Variants in ST7 observed in about 807,000 individuals in gnomAD.
ST7 encodes suppressor of tumorigenicity 7 protein.
ST7 carries 28 observed loss-of-function variants against 78.7 expected under a neutral mutation model. The ratio of observed to expected loss-of-function variants is 0.36; its 90% CI spans 0.26 to 0.49. The LOEUF (loss-of-function observed/expected upper bound fraction) is 0.49. Ranked by LOEUF, ST7 falls within the 20% of genes least tolerant of loss-of-function variation. The pLI, the probability that ST7 is intolerant of heterozygous loss-of-function variation, is 0.99. For synonymous variants in ST7, 247 were observed against 249.6 expected, an observed-to-expected ratio of 0.99 and a Z score of 0.10; for missense variants, 418 against 696.0, an observed-to-expected ratio of 0.60 and a Z score of 4.49.
intron 9 of ST7, among the ~76,000 whole-genome samples, chr7:117,160,653 G>GTGTATATATATATATA (rs150222080): frequency 4.1e-4 from 60 of 147,620 alleles, no homozygotes; most frequent in African/African-American, 1.4e-3. Flanking sequence ...GTGTGTGTGT[G>GTGTATATATATATATA]TATATATATA....
At chr7:117,144,855 A>G (rs1445097154) in intron 9 of ST7, among the ~76,000 whole-genome samples, 1 of 152,158 alleles carries the variant, frequency 6.6e-6, no homozygotes, top group Non-Finnish European at 1.5e-5. Flanking sequence ...GTAAAATTTA[A>G]AAATAAAGAT....
chr7:117,052,633 G>A (rs1017315413), intron 1 of ST7, among the ~76,000 whole-genome samples: 5 of 152,194 alleles, frequency 3.3e-5, no homozygotes, highest in African/African-American at 4.8e-5. Context: ...AGTGGCTCAC[G>A]CCTATAATCC....
intron 1 of ST7, among the ~76,000 whole-genome samples, chr7:117,006,019 C>T (rs1050275686): frequency 6.6e-6 from 1 of 152,186 alleles, no homozygotes; most frequent in Admixed American, 6.5e-5. Context: ...CAGTATCTTA[C>T]ATGAACCTCA....
chr7:116,998,652 T>A (rs1794791111), intron 1 of ST7, among the ~76,000 whole-genome samples: 1 of 152,256 alleles, frequency 6.6e-6, no homozygotes, highest in Non-Finnish European at 1.5e-5. Context: ...TATTGAGCAT[T>A]TACTATGTGC....
chr7:117,181,886 G>T (rs1808798851), intron 10 of ST7, among the ~76,000 whole-genome samples: 1 of 152,132 alleles, frequency 6.6e-6, no homozygotes, highest in South Asian at 2.1e-4. Flanking sequence ...TGAAATAGGA[G>T]AATACCATAA....
At chr7:116,966,108 T>A (rs1403351804) in intron 1 of ST7, 2 of 466,016 alleles carry the variant, frequency 4.3e-6, no homozygotes. Context: ...ACATGTTTTC[T>A]TCTGTCTGTA....
intron 1 of ST7, among the ~76,000 whole-genome samples, chr7:117,002,457 A>T (rs1794973790): frequency 1.3e-5 from 2 of 151,998 alleles, no homozygotes; most frequent in Non-Finnish European, 2.9e-5. Context: ...ATGAACTAAG[A>T]CCCATTATTT....
At chr7:117,070,614 C>T (rs1798880901) in intron 1 of ST7, among the ~76,000 whole-genome samples, 15 of 152,216 alleles carry the variant, frequency 9.9e-5, no homozygotes. Flanking sequence ...GATCTCGGCT[C>T]ACTGCAAGCT....
chr7:117,138,987 A>G (rs1186259195), intron 9 of ST7, among the ~76,000 whole-genome samples: 3 of 152,064 alleles, frequency 2.0e-5, no homozygotes, highest in Non-Finnish European at 4.4e-5. Flanking sequence ...TCAAATTACT[A>G]CTCTCAAATT....
intron 1 of ST7, among the ~76,000 whole-genome samples, chr7:117,095,311 G>A (rs1419133322): frequency 6.6e-6 from 1 of 152,176 alleles, no homozygotes; most frequent in African/African-American, 2.4e-5. Context: ...GCCTTCTGGT[G>A]TGAATTCCCT....
At chr7:116,975,424 T>C (rs879340045) in intron 1 of ST7, among the ~76,000 whole-genome samples, 1 of 152,144 alleles carries the variant, frequency 6.6e-6, no homozygotes, top group Non-Finnish European at 1.5e-5. Context: ...ATTTTTTTTT[T>C]TGAGATGGAA....
chr7:117,030,259 T>C (rs986596274), intron 1 of ST7, among the ~76,000 whole-genome samples: 2 of 152,198 alleles, frequency 1.3e-5, no homozygotes, highest in African/African-American at 4.8e-5. Flanking sequence ...AGAATACTTA[T>C]TTGGAGTGGA....
chr7:117,091,080 G>A (rs141026757), intron 1 of ST7, among the ~76,000 whole-genome samples: 303 of 152,328 alleles, frequency 2.0e-3, no homozygotes, highest in African/African-American at 6.9e-3. Flanking sequence ...TTGCCTAGGC[G>A]ACATCGGGAG....
At chr7:116,960,723 A>G (rs1585044963) in intron 1 of ST7, among the ~76,000 whole-genome samples, 1 of 152,126 alleles carries the variant, frequency 6.6e-6, no homozygotes, top group Non-Finnish European at 1.5e-5. Context: ...TGGATATTAG[A>G]TCTTTGTCAG....
intron 1 of ST7, chr7:116,972,192 C>A: frequency 1.8e-6 from 1 of 552,746 alleles, no homozygotes; most frequent in South Asian, 1.4e-5. Flanking sequence ...CAAGCAGAGT[C>A]TGGACCAGCA....
At chr7:117,129,350 A>G (rs574847429) in intron 3 of ST7, among the ~76,000 whole-genome samples, 1 of 151,978 alleles carries the variant, frequency 6.6e-6, no homozygotes, top group South Asian at 2.1e-4. Flanking sequence ...CCAAATTAAG[A>G]CTATAAGGCT....
In ST7 at chr7:117,170,977, G is replaced by A; in HGVS notation, c.1078+1G>A. On this transcript the variant is annotated splice_donor_variant, in intron 10 of 15. Coordinates refer to ENST00000323984, the MANE Select transcript of ST7 (RefSeq NM_001369598.1). LOFTEE classifies it high-confidence loss of function. ...CAGGCAGTCTTAGCAAAGTATGATGGTAAGTTCTTGGGTATTTTTATTTAC... is the reference window on the plus strand; with the variant it reads ...CAGGCAGTCTTAGCAAAGTATGATGATAAGTTCTTGGGTATTTTTATTTAC... 5 of 1,583,980 alleles carry A rather than the reference G, an allele frequency of 3.2e-6. No individual in the cohort carries two copies. The highest frequency in any genetic ancestry group is 4.3e-6 in the Non-Finnish European group (5 of 1,158,376).
rs573285795 is a variant in ST7 at position 117,187,960 on chromosome 7, C to A, written c.1079-1361C>A. Among the ~76,000 whole-genome samples, 9 of 152,142 alleles carry A rather than the reference C, an allele frequency of 5.9e-5. No individual in the cohort carries two copies. The East Asian group carries it at 1.2e-3, about 20-fold the overall frequency. ...ATCCATGAGTGTCTGGCATTTTTTT[C>A]TTCTTAATTGTAAGTGCACCATTTT... On this transcript the variant is annotated intron_variant, in intron 10 of 15. Transcript: ENST00000323984.
At position 117,180,754 on chromosome 7, in the gene ST7, A is replaced by G. The variant is rs140673406; in HGVS notation, c.1079-8567A>G. ...AGTCTCAACTTCCCATGCTCAAGTG[A>G]TCCTCCCACCTCAGCCTCCCAAGTA... On this transcript the variant is annotated intron_variant, in intron 10 of 15. Transcript: ENST00000323984. 3.5e-3 allele frequency among the ~76,000 whole-genome samples: 534 copies of G among 152,206 alleles called. 5 individuals carry two copies. Among genetic ancestry groups the G allele is most frequent in the African/African-American group, 0.012 (513 of 41,540 alleles).
Sources: allele counts gnomAD v4.1 joint callset (sites outside exome capture counted in the v4.1 genomes callset), GRCh38; gene constraint gnomAD v4.1.1; transcripts MANE v1.5; gene names NCBI Gene and HGNC (gene_info 2026-07-23, HGNC 2026-07-21).